HTT: variants seen among roughly 807,000 people sequenced by gnomAD.
The protein encoded by HTT is huntington disease protein.
HTT carries 104 observed loss-of-function variants against 362.3 expected under a neutral mutation model. The observed-to-expected ratio is 0.29, with a 90% CI of 0.24 to 0.34. HTT has a LOEUF of 0.34. Ranked by LOEUF, HTT falls within the 10% of genes least tolerant of loss-of-function variation. The pLI, the probability that HTT is intolerant of heterozygous loss-of-function variation, is 1.00. For synonymous variants in HTT, 1,577 were observed against 1,548.7 expected (o/e 1.02, Z -0.43); for missense variants, 3,301 against 3,928.6 (o/e 0.84, Z 4.27).
chr4:3,229,152 G>A (rs993721389), intron 59 of HTT, 143 bp downstream of exon 59: 156 of 745,978 alleles, frequency 2.1e-4, no homozygotes, highest in South Asian at 3.4e-4. Context: ...CAGGCCACAC[G>A]CACCATAGAC....
chr4:3,101,307 C>G (rs1320939344), intron 3 of HTT, among the ~76,000 whole-genome samples: 1 of 152,190 alleles, frequency 6.6e-6, no homozygotes, highest in Non-Finnish European at 1.5e-5. Flanking sequence ...AGGTGCTCTT[C>G]CTGGCTGTCT....
chr4:3,111,290 T>A (rs1714735706), intron 6 of HTT, among the ~76,000 whole-genome samples: 1 of 151,070 alleles, frequency 6.6e-6, no homozygotes, highest in Non-Finnish European at 1.5e-5. Flanking sequence ...GCCTCCCAGG[T>A]TCAAGCAGTT....
chr4:3,224,253 T>C (rs1377233192), intron 56 of HTT, 122 bp downstream of exon 56: 1 of 988,312 alleles, frequency 1.0e-6, no homozygotes, highest in Non-Finnish European at 1.5e-6. Context: ...GAGGCTGTGG[T>C]GCTAAATACG....
At chr4:3,140,382 AGG>A in intron 21 of HTT, 126 bp from the exon 22 acceptor site, 1 of 704,308 alleles carries the variant, frequency 1.4e-6, no homozygotes. Flanking sequence ...CACCTGAGAA[AGG>A]GGGCGAGAAG....
Position 3,099,390 on chromosome 4 carries a change from T to C in HTT, c.464T>C (p.Ile155Thr), listed in dbSNP as rs763809428. Residue 155 changes from isoleucine (I) to threonine (T), a missense_variant, in exon 3 of 67, where the codon ATC becomes ACC. Around this residue, in one of 4 missense-constraint regions of HTT, gnomAD observed 2,316 missense variants for 2,658.5 expected, o/e 0.87. Transcript: ENST00000355072. The stretch of plus-strand genomic sequence containing the variant: ...GCTGACGAATGCCTCAACAAAGTTA[T>C]CAAAGTAAGAACCGTGTGGATGATG... ...MVADECLNKVIKALMDSNLPR... is the reference protein window; with the variant it reads ...MVADECLNKVTKALMDSNLPR... The C allele has an allele frequency of 1.2e-6, 2 of 1,614,008 alleles. No homozygotes were observed. Among genetic ancestry groups the C allele is most frequent in the South Asian group, 1.1e-5 (1 of 91,076 alleles).
In HTT at chr4:3,235,812, C is replaced by G. The variant is rs1401297683; in HGVS notation, c.8785+34C>G. 2.6e-6 allele frequency: 4 copies of G among 1,527,684 alleles called. No homozygotes were observed. In the South Asian group the frequency reaches 4.5e-5, roughly 17 times the overall value. 94.6% of individuals were successfully genotyped at this position (1,527,684 alleles called of 1,614,324 possible). A position where few individuals can be genotyped will look rare whatever the true frequency, so the allele number is the denominator to read the frequency against. On this transcript the variant is annotated intron_variant, in intron 63 of 66. Coordinates refer to ENST00000355072, the MANE Select transcript of HTT (RefSeq NM_001388492.1). ...GTACACGGTGCCCATAAGGCCAGCCCAAGTCCTGTTCAAGGGAGGCAGGAG... is the reference window on the plus strand; with the variant it reads ...GTACACGGTGCCCATAAGGCCAGCCGAAGTCCTGTTCAAGGGAGGCAGGAG...
chr4:3,095,937 G>T (rs1713836071), intron 2 of HTT, among the ~76,000 whole-genome samples: 1 of 152,204 alleles, frequency 6.6e-6, no homozygotes, highest in South Asian at 2.1e-4. Context: ...CGATTTTTCA[G>T]ATTGAATGGA....
In HTT at chr4:3,233,830, A is replaced by G. The variant is rs1480419722; in HGVS notation, c.8456+477A>G. ...TTGACAAAGCACGGCTGGTGCCGCA[A>G]CCCCTCAGCGAGCAAGTCAAGCTCT... On this transcript the variant is annotated intron_variant, in intron 61 of 66. Transcript: ENST00000355072. 5.3e-5 allele frequency among the ~76,000 whole-genome samples: 8 copies of G among 152,168 alleles called. No individual in the cohort carries two copies. In the South Asian group the frequency reaches 6.2e-4, roughly 12 times the overall value.
chr4:3,234,531 T>C (rs2110301472), intron 61 of HTT, among the ~76,000 whole-genome samples: 1 of 152,348 alleles, frequency 6.6e-6, no homozygotes, highest in South Asian at 2.1e-4. Flanking sequence ...AAGCCCTGCC[T>C]GTGCTGGTGT....
At position 3,242,355 on chromosome 4, in the gene HTT, T is replaced by G. The variant is rs1400377429; in HGVS notation, c.*2296T>G. ...GCTCCGGAGATGAATATGAGCTCAT[T>G]AGTAAAAATGACTTCACCCACGCAT... On this transcript the variant is annotated 3_prime_UTR_variant, in exon 67 of 67. Transcript: ENST00000355072. 2 of 152,274 alleles carry G rather than the reference T, an allele frequency of 1.3e-5. No individual in the cohort carries two copies. The highest frequency in any genetic ancestry group is 4.1e-4 in the South Asian group (2 of 4,826). 9.4% of individuals were successfully genotyped at this position (152,274 alleles called of 1,614,324 possible). A position where few individuals can be genotyped will look rare whatever the true frequency, so the allele number is the denominator to read the frequency against.
At chr4:3,151,747 C>T (rs936762404) in intron 26 of HTT, among the ~76,000 whole-genome samples, 13 of 152,094 alleles carry the variant, frequency 8.5e-5, no homozygotes, top group South Asian at 2.1e-4. Context: ...TCCACAGAAC[C>T]GGTCCCTGGT....
intron 2 of HTT, among the ~76,000 whole-genome samples, chr4:3,090,047 T>C (rs1432958227): frequency 1.3e-5 from 2 of 152,256 alleles, no homozygotes; most frequent in Non-Finnish European, 2.9e-5. Flanking sequence ...TATGTAAATA[T>C]GTTTTATGGA....
chr4:3,131,679 C>T lies in HTT; in HGVS notation c.2140C>T (p.Leu714=). ...DRDVRVSVKA[L]ALSCVGAAVA... ...GGATGTGAGGGTCAGCGTGAAGGCC[C>T]TGGCCCTCAGCTGTGTGGGAGCAGC... The change falls in exon 16 of 67, where the codon CTG becomes TTG. Residue 714 remains leucine (L), a synonymous_variant. Coordinates refer to ENST00000355072, the MANE Select transcript of HTT (RefSeq NM_001388492.1). 1 of 1,614,022 alleles carries T rather than the reference C, an allele frequency of 6.2e-7. No individual in the cohort carries two copies. Among genetic ancestry groups the T allele is most frequent in the Non-Finnish European group, 8.5e-7 (1 of 1,179,954 alleles).
Position 3,206,357 on chromosome 4 carries a change from C to T in HTT, c.5719-139C>T. The T allele has an allele frequency of 1.5e-6, 1 of 669,866 alleles. No individual in the cohort carries two copies. The highest frequency in any genetic ancestry group is 2.6e-6 in the Non-Finnish European group (1 of 391,406). The allele number at this position is 669,866 out of a possible 1,614,324, so 41.5% of individuals were successfully genotyped here. ...TCCTACCTCCTCAATTATTTGTGCT[C>T]ATACACTGTATATTTTTAGTGAGGT... On this transcript the variant is annotated intron_variant, in intron 42 of 66. Transcript: ENST00000355072. The surrounding 1 kb of genome is among the most constrained non-coding windows in gnomAD (Gnocchi z 4.6).
At chr4:3,231,148 C>T (rs1276541942) in intron 60 of HTT, among the ~76,000 whole-genome samples, 1 of 152,218 alleles carries the variant, frequency 6.6e-6, no homozygotes, top group African/African-American at 2.4e-5. Flanking sequence ...TGTGGCATTA[C>T]CTAGTAATCC....
intron 4 of HTT, among the ~76,000 whole-genome samples, chr4:3,104,875 G>T (rs1437219315): frequency 3.9e-5 from 6 of 152,118 alleles, no homozygotes; most frequent in Non-Finnish European, 5.9e-5. Flanking sequence ...CTGCCCTTCA[G>T]CCTGGGCGAC....
intron 51 of HTT, among the ~76,000 whole-genome samples, chr4:3,217,217 C>A (rs1472688385): frequency 6.6e-6 from 1 of 152,144 alleles, no homozygotes; most frequent in Non-Finnish European, 1.5e-5. Context: ...ATTCTAGACT[C>A]AAGACACCAT....
intron 35 of HTT, among the ~76,000 whole-genome samples, chr4:3,179,752 G>A (rs1307554628): frequency 1.4e-5 from 2 of 147,078 alleles, no homozygotes; most frequent in East Asian, 4.1e-4. Context: ...GCCTCTGTGT[G>A]TGCTCATTTG....
At chr4:3,197,286 G>T (rs1249452556) in intron 40 of HTT, among the ~76,000 whole-genome samples, 1 of 152,060 alleles carries the variant, frequency 6.6e-6, no homozygotes, top group Non-Finnish European at 1.5e-5. Flanking sequence ...GGTCCTTGTA[G>T]TCCTGGCATC....
Sources: gnomAD v4.1 joint callset for allele counts (sites outside exome capture counted in the v4.1 genomes callset) on GRCh38, gnomAD v4.1.1 for gene constraint, gnomAD v4.1.1 regional missense constraint, Gnocchi (gnomAD v3.1) non-coding constraint, MANE v1.5 for transcripts, NCBI Gene and HGNC (gene_info 2026-07-23, HGNC 2026-07-21) for gene names.